The following POF1B variants were observed in gnomAD, a reference collection of about 807,000 sequenced individuals.
The protein encoded by POF1B is POF1B actin binding protein, also known as protein POF1B.
POF1B carries 53 observed loss-of-function variants against 55.3 expected under a neutral mutation model. The observed-to-expected ratio is 0.96, with a 90% CI of 0.77 to 1.20. POF1B has a LOEUF of 1.20. POF1B is among the 50% of genes most tolerant of loss of function. The probability of loss-of-function intolerance (pLI) is 0.00; values close to 1 mark genes in which losing one functional copy is unlikely to be tolerated. For synonymous variants in POF1B, 188 were observed against 148.3 expected (o/e 1.27, Z -1.95); for missense variants, 478 against 420.5 (o/e 1.14, Z -1.20).
rs887677936 is a variant in POF1B at position 85,356,931 on chromosome X, A to T, written c.438+2619T>A. Among the ~76,000 whole-genome samples the T allele has an allele frequency of 6.3e-5, 7 of 111,769 alleles. No individual in the cohort carries two copies. The Admixed American group carries it at 6.7e-4, about 11-fold the overall frequency. On this transcript the variant is annotated intron_variant, in intron 4 of 16. Transcript: ENST00000262753. ...AAATCTTGGTGGAAGAAACTTTTTT[A>T]AAAAAGATTTGCTGATTTGGCTCAT...
intron 4 of POF1B, among the ~76,000 whole-genome samples, chrX:85,353,781 C>G (rs1440768337): frequency 9.0e-6 from 1 of 111,373 alleles, no homozygotes; most frequent in Non-Finnish European, 1.9e-5. Flanking sequence ...CTAGGTTAAA[C>G]TAGCAATTGC....
intron 7 of POF1B, among the ~76,000 whole-genome samples, chrX:85,323,206 C>A (rs1377103932): frequency 2.7e-5 from 3 of 111,395 alleles, no homozygotes; most frequent in Non-Finnish European, 5.6e-5. Context: ...AAATGTCCAA[C>A]AATGATAGAT....
chrX:85,312,443 A>AT (rs961950749), intron 9 of POF1B, among the ~76,000 whole-genome samples: 1 of 111,447 alleles, frequency 9.0e-6, no homozygotes, highest in African/African-American at 3.3e-5. Flanking sequence ...TCTTTTCCCC[A>AT]TTGCTTGTTT....
At chrX:85,284,027 G>C (rs1347124006) in intron 15 of POF1B, among the ~76,000 whole-genome samples, 1 of 110,981 alleles carries the variant, frequency 9.0e-6, no homozygotes, top group Non-Finnish European at 1.9e-5. Context: ...GACAAACAGA[G>C]AGCCAAATCA....
At chrX:85,339,512 T>C (rs1301772492) in intron 6 of POF1B, among the ~76,000 whole-genome samples, 2 of 111,427 alleles carry the variant, frequency 1.8e-5, no homozygotes, top group Non-Finnish European at 3.8e-5. Context: ...TAGAATAGAT[T>C]AGCAGTGCTA....
intron 6 of POF1B, among the ~76,000 whole-genome samples, chrX:85,339,376 G>A (rs143771332): frequency 0.025 from 2,760 of 111,066 alleles, 88 homozygotes; most frequent in African/African-American, 0.086. Context: ...TGGGTACACA[G>A]CCAAACTATA....
intron 5 of POF1B, among the ~76,000 whole-genome samples, chrX:85,346,292 G>T (rs1217545752): frequency 9.1e-6 from 1 of 109,814 alleles, no homozygotes; most frequent in East Asian, 2.9e-4. Context: ...GGCATTGCAT[G>T]TTCTAATTAA....
At chrX:85,320,154 C>A (rs916538185) in intron 7 of POF1B, among the ~76,000 whole-genome samples, 3 of 110,955 alleles carry the variant, frequency 2.7e-5, no homozygotes, top group African/African-American at 6.6e-5. Context: ...ACCTTGTGTG[C>A]ATAAGGGTGT....
At chrX:85,313,161 C>T (rs945056580) in intron 9 of POF1B, among the ~76,000 whole-genome samples, 2 of 111,646 alleles carry the variant, frequency 1.8e-5, no homozygotes, top group African/African-American at 6.5e-5. Flanking sequence ...TTTGAATCCC[C>T]TTTATTTCTT....
chrX:85,368,424 A>T (rs944674244), intron 2 of POF1B, among the ~76,000 whole-genome samples: 56 of 111,664 alleles, frequency 5.0e-4, no homozygotes, highest in African/African-American at 1.7e-3. Context: ...TTAAAAATAA[A>T]ATAAAACTTA....
At chrX:85,349,877 T>G (rs1355768287) in intron 5 of POF1B, among the ~76,000 whole-genome samples, 2 of 110,643 alleles carry the variant, frequency 1.8e-5, no homozygotes, top group Non-Finnish European at 3.8e-5. Context: ...GTGCCCTAGT[T>G]CAAGAATGTC....
At chrX:85,304,041 TA>T (rs1932516649) in intron 14 of POF1B, among the ~76,000 whole-genome samples, 1 of 111,243 alleles carries the variant, frequency 9.0e-6, no homozygotes, top group Non-Finnish European at 1.9e-5. Flanking sequence ...AAGCAGCTCA[TA>T]ATGTAGTAAG....
chrX:85,319,766 G>T (rs1385287674), intron 7 of POF1B, among the ~76,000 whole-genome samples: 1 of 111,240 alleles, frequency 9.0e-6, no homozygotes, highest in Non-Finnish European at 1.9e-5. Context: ...GCTTAATTTG[G>T]TTTGCTAGTA....
At chrX:85,286,239 A>C (rs761752640) in intron 15 of POF1B, among the ~76,000 whole-genome samples, 2 of 111,176 alleles carry the variant, frequency 1.8e-5, no homozygotes, top group Non-Finnish European at 3.8e-5. Flanking sequence ...GATGGGATAT[A>C]ATATTATTGG....
intron 6 of POF1B, among the ~76,000 whole-genome samples, chrX:85,339,067 C>T (rs956150773): frequency 5.4e-5 from 6 of 110,945 alleles, no homozygotes; most frequent in African/African-American, 2.0e-4. Context: ...CTGATAAAGA[C>T]ATACTTGAGA....
chrX:85,311,251 G>C (rs1932689342), intron 9 of POF1B, among the ~76,000 whole-genome samples: 1 of 110,726 alleles, frequency 9.0e-6, no homozygotes. Flanking sequence ...TGTGCAGAAC[G>C]TGCAGGTTTG....
At chrX:85,339,196 A>G (rs749065514) in intron 6 of POF1B, among the ~76,000 whole-genome samples, 211 of 111,043 alleles carry the variant, frequency 1.9e-3, no homozygotes, top group African/African-American at 6.6e-3. Context: ...GGATGGCAGC[A>G]GGCAAAAAGA....
At chrX:85,296,522 C>T (rs1355182018) in intron 15 of POF1B, among the ~76,000 whole-genome samples, 1 of 111,943 alleles carries the variant, frequency 8.9e-6, no homozygotes, top group African/African-American at 3.2e-5. Context: ...ATATGAAATT[C>T]TTGGTTGGAA....
intron 1 of POF1B, 63 bp downstream of exon 1, chrX:85,379,576 A>T: frequency 1.4e-6 from 1 of 717,117 alleles, no homozygotes; most frequent in Non-Finnish European, 2.0e-6. Context: ...CACACGACAC[A>T]CGTGTGGAAA....
Sources: gnomAD v4.1 joint callset for allele counts (sites outside exome capture counted in the v4.1 genomes callset) on GRCh38, gnomAD v4.1.1 for gene constraint, MANE v1.5 for transcripts, NCBI Gene and HGNC (gene_info 2026-07-23, HGNC 2026-07-21) for gene names.